KIAA0586: variants seen among roughly 807,000 people sequenced by gnomAD.
The protein encoded by KIAA0586 is protein TALPID3.
KIAA0586 carries 144 observed loss-of-function variants against 169.8 expected under a neutral mutation model. That is an observed-to-expected ratio of 0.85 (90% CI 0.74 to 0.97). The LOEUF (loss-of-function observed/expected upper bound fraction) is 0.97. Ranked by LOEUF, KIAA0586 falls within the 50% of genes least tolerant of loss-of-function variation. The pLI, the probability that KIAA0586 is intolerant of heterozygous loss-of-function variation, is 0.00. For missense variants in KIAA0586, 1,854 were observed against 1,823.0 expected (o/e 1.02, Z -0.31); for synonymous variants, 625 against 612.4 (o/e 1.02, Z -0.30).
Position 58,548,083 on chromosome 14 carries a change from G to C in KIAA0586, c.*151G>C. ...AAAATAAAACAAAAAGCATAATTTG[G>C]GTATTTAAAGTTTTTAAATAAAATA... On this transcript the variant is annotated 3_prime_UTR_variant, in exon 31 of 31. Transcript: ENST00000652326. The C allele has an allele frequency of 3.3e-6, 3 of 901,500 alleles. No individual in the cohort carries two copies. The South Asian group carries it at 6.4e-5, about 19-fold the overall frequency. The allele number at this position is 901,500 out of a possible 1,614,324, so 55.8% of individuals were successfully genotyped here. A position where few individuals can be genotyped will look rare whatever the true frequency, so the allele number is the denominator to read the frequency against.
intron 29 of KIAA0586, chr14:58,521,715 T>C: frequency 1.2e-6 from 1 of 863,682 alleles, no homozygotes; most frequent in South Asian, 1.3e-5. Context: ...TTAGAAAACC[T>C]AGAAGAAAAT....
In KIAA0586 at chr14:58,490,181, C is replaced by T. The variant is rs1425457941; in HGVS notation, c.3799C>T (p.Leu1267=). 1.3e-6 allele frequency: 2 copies of T among 1,491,256 alleles called. No homozygotes were observed. The highest frequency in any genetic ancestry group is 4.1e-5 in the Admixed American group (2 of 48,370). The allele number at this position is 1,491,256 out of a possible 1,614,324, so 92.4% of individuals were successfully genotyped here. A position where few individuals can be genotyped will look rare whatever the true frequency, so the allele number is the denominator to read the frequency against. The change falls in exon 25 of 31, where the codon CTG becomes TTG. Residue 1267 remains leucine, a synonymous_variant. Transcript: ENST00000652326. ...LAPKILEDIG[L]YLTNLNDSLS... ...ATTTCTAGTTTTAGAAGATATAGGA[C>T]TGTACCTGACAAACCTTAATGATAG... is the stretch of plus-strand genomic sequence containing the variant.
intron 26 of KIAA0586, among the ~76,000 whole-genome samples, chr14:58,494,102 C>CTT (rs1036538779): frequency 1.3e-5 from 2 of 148,946 alleles, no homozygotes; most frequent in African/African-American, 4.9e-5. Flanking sequence ...CTTTCTTTCT[C>CTT]TTTTTTTTTT....
chr14:58,467,768 C>T lies in KIAA0586; in HGVS notation c.2288C>T (p.Pro763Leu), dbSNP rs762324359. ...QTQSNSDTMP[P>L]AGVIVSKPHP... ...CAAAGTAATAGTGATACCATGCCACCTGCTGGAGTGATTGTCAGCAAGCCA... is the reference window on the plus strand; with the variant it reads ...CAAAGTAATAGTGATACCATGCCACTTGCTGGAGTGATTGTCAGCAAGCCA... The change falls in exon 16 of 31, where the codon CCT becomes CTT. Residue 763 changes from proline to leucine, a missense_variant. Transcript: ENST00000652326. 1.9e-6 allele frequency: 3 copies of T among 1,613,404 alleles called. No homozygotes were observed. The African/African-American group carries it at 4.0e-5, about 22-fold the overall frequency.
chr14:58,474,780 A>C lies in KIAA0586; in HGVS notation c.2808A>C (p.Glu936Asp). The C allele has an allele frequency of 1.2e-6, 2 of 1,603,030 alleles. No individual in the cohort carries two copies. Among genetic ancestry groups the C allele is most frequent in the Non-Finnish European group, 1.7e-6 (2 of 1,175,474 alleles). Reference sequence around the variant, plus strand: ...TAATTGAGAGAAAAGAAACACTGGAAAATAGCTTAATTCAATGGTAAGTTT... The same window carrying C: ...TAATTGAGAGAAAAGAAACACTGGACAATAGCTTAATTCAATGGTAAGTTT... The part of the protein sequence containing the change: ...DKVIERKETL[E>D]NSLIQWVEQE... The change falls in exon 19 of 31, where the codon GAA (glutamate) becomes GAC (aspartate). Residue 936 changes from glutamate (E) to aspartate (D), a missense_variant. Physicochemically the swap from Glu to Asp is conservative, Grantham distance 45. Transcript: ENST00000652326.
the KIAA0586 span, among the ~76,000 whole-genome samples, chr14:58,559,719 G>A: frequency 1.3e-5 from 2 of 152,172 alleles, no homozygotes; most frequent in East Asian, 3.8e-4. Flanking sequence ...GAGCAGAATA[G>A]GATGTCAGGA....
chr14:58,482,863 T>C (rs1390652969), intron 21 of KIAA0586, among the ~76,000 whole-genome samples, 151 bp downstream of exon 21: 6 of 152,168 alleles, frequency 3.9e-5, no homozygotes, highest in Non-Finnish European at 7.3e-5. Context: ...CTTGAAGTTC[T>C]GGGCTTAAGT....
intron 29 of KIAA0586, among the ~76,000 whole-genome samples, chr14:58,532,197 GA>G (rs201426562): frequency 4.0e-5 from 6 of 150,680 alleles, no homozygotes; most frequent in African/African-American, 1.2e-4. Flanking sequence ...AAAAAAAAAG[GA>G]AAAAAAAAGT....
downstream of KIAA0586, among the ~76,000 whole-genome samples, chr14:58,552,518 G>A (rs908709285): frequency 6.6e-6 from 1 of 152,132 alleles, no homozygotes; most frequent in African/African-American, 2.4e-5. Flanking sequence ...GGTCTTTATA[G>A]TATGAATGGT....
At chr14:58,429,527 T>G (rs2037185855) in intron 2 of KIAA0586, 94 bp downstream of exon 2, 2 of 770,906 alleles carry the variant, frequency 2.6e-6, no homozygotes, top group African/African-American at 3.5e-5. Context: ...CAGCATGCCT[T>G]GTTTTTATTT....
chr14:58,468,355 CTG>C (rs2040938723), intron 16 of KIAA0586, among the ~76,000 whole-genome samples: 1 of 152,140 alleles, frequency 6.6e-6, no homozygotes, highest in Admixed American at 6.6e-5. Flanking sequence ...CCCGCTGGCT[CTG>C]TTATTTTTAA....
intron 4 of KIAA0586, among the ~76,000 whole-genome samples, chr14:58,435,928 C>CTA (rs1187840002): frequency 6.6e-6 from 1 of 152,108 alleles, no homozygotes; most frequent in African/African-American, 2.4e-5. Flanking sequence ...AGGCTGGTCT[C>CTA]AAACTCCTGA....
chr14:58,460,027 T>C lies in KIAA0586; in HGVS notation c.1841T>C (p.Met614Thr), dbSNP rs1377736495. The change falls in exon 13 of 31, where the codon ATG becomes ACG. Residue 614 changes from methionine (M) to threonine (T), a missense_variant. By Grantham distance (81) the Met-to-Thr change is moderately conservative (BLOSUM62 -1). Coordinates refer to ENST00000652326, the MANE Select transcript of KIAA0586 (RefSeq NM_001329943.3). Reference sequence around the variant, plus strand: ...GAAGAGCATTTTAGAAATCTACCTATGAGGGGCATGCCTGCTTCAAGTTTA... The same window carrying C: ...GAAGAGCATTTTAGAAATCTACCTACGAGGGGCATGCCTGCTTCAAGTTTA... ...QIEEHFRNLPMRGMPASSLQK... is the reference protein window; with the variant it reads ...QIEEHFRNLPTRGMPASSLQK... The C allele has an allele frequency of 1.6e-5, 24 of 1,533,598 alleles. No individual in the cohort carries two copies. Among genetic ancestry groups the C allele is most frequent in the Non-Finnish European group, 1.9e-5 (22 of 1,145,374 alleles). 95.0% of individuals were successfully genotyped at this position (1,533,598 alleles called of 1,614,324 possible).
chr14:58,539,699 C>A (rs1048802802), intron 29 of KIAA0586, among the ~76,000 whole-genome samples: 3 of 152,188 alleles, frequency 2.0e-5, no homozygotes, highest in Admixed American at 6.5e-5. Flanking sequence ...AGATTCTAAA[C>A]CTCTTTTTGT....
chr14:58,533,466 C>G (rs1416565363), intron 29 of KIAA0586, among the ~76,000 whole-genome samples: 1 of 152,282 alleles, frequency 6.6e-6, no homozygotes, highest in African/African-American at 2.4e-5. Context: ...ATGGCTGTTT[C>G]TTGTTTGCAT....
chr14:58,546,956 A>G lies in KIAA0586; in HGVS notation c.4496-825A>G, dbSNP rs540557751. On this transcript the variant is annotated intron_variant, in intron 30 of 30. Coordinates refer to ENST00000652326, the MANE Select transcript of KIAA0586 (RefSeq NM_001329943.3). ...GTAATACTTGGATGACCACTGCAGTATGTTTTTCCTCTGACATTGCTAACC... is the reference window on the plus strand; with the variant it reads ...GTAATACTTGGATGACCACTGCAGTGTGTTTTTCCTCTGACATTGCTAACC... Among the ~76,000 whole-genome samples the G allele has an allele frequency of 5.3e-5, 8 of 152,248 alleles. No individual in the cohort carries two copies. The South Asian group carries it at 6.2e-4, about 12-fold the overall frequency.
rs538632792 is a variant in KIAA0586 at position 58,490,489 on chromosome 14, A to C, written c.3858+249A>C. Reference sequence around the variant, plus strand: ...AAATATACATTTAATGTAATTAGGTAATGAAATCTAGCTGATTGCAAATTG... The same window carrying C: ...AAATATACATTTAATGTAATTAGGTCATGAAATCTAGCTGATTGCAAATTG... On this transcript the variant is annotated intron_variant, in intron 25 of 30. Transcript: ENST00000652326. Among the ~76,000 whole-genome samples, 6 of 152,302 alleles carry C rather than the reference A, an allele frequency of 3.9e-5. No individual in the cohort carries two copies. The South Asian group carries it at 1.2e-3, about 32-fold the overall frequency.
At chr14:58,439,727 G>A in intron 4 of KIAA0586, 1 of 511,390 alleles carries the variant, frequency 2.0e-6, no homozygotes, top group Non-Finnish European at 2.5e-6. Flanking sequence ...TCAACATTTT[G>A]AGACTGAGAG....
rs1395834969 is a variant in KIAA0586 at position 58,448,464 on chromosome 14, C to A, written c.932C>A (p.Ser311Tyr). 1.2e-6 allele frequency: 2 copies of A among 1,609,392 alleles called. No homozygotes were observed. Among genetic ancestry groups the A allele is most frequent in the African/African-American group, 2.7e-5 (2 of 74,882 alleles). ...CCTAATCTTGGTAGCTGTAATCCAT[C>A]TTTATATAACACATTTGCTTCCAAA... Reference protein sequence around the residue: ...EHPNLGSCNPSLYNTFASKQA... With the variant: ...EHPNLGSCNPYLYNTFASKQA... Residue 311 changes from serine to tyrosine, a missense_variant, in exon 7 of 31, where the codon TCT becomes TAT. Transcript: ENST00000652326.
Sources: allele counts gnomAD v4.1 joint callset (sites outside exome capture counted in the v4.1 genomes callset), GRCh38; gene constraint gnomAD v4.1.1; transcripts MANE v1.5; gene names NCBI Gene and HGNC (gene_info 2026-07-23, HGNC 2026-07-21).